AKAP12: variants seen among roughly 807,000 people sequenced by gnomAD.
AKAP12 encodes A-kinase anchor protein 12.
In AKAP12, 32 loss-of-function variants were observed where a neutral mutation model predicts 79.9. The ratio of observed to expected loss-of-function variants is 0.40; its 90% CI spans 0.30 to 0.54. The LOEUF (loss-of-function observed/expected upper bound fraction) is 0.54. AKAP12 is among the 20% of genes least tolerant of loss of function. The pLI is 0.48. For missense variants in AKAP12, 2,074 were observed against 2,177.0 expected, an observed-to-expected ratio of 0.95 and a Z score of 0.94; for synonymous variants, 808 against 857.0, an observed-to-expected ratio of 0.94 and a Z score of 1.00.
chr6:151,241,490 C>A (rs1582826044), intron 2 of AKAP12, among the ~76,000 whole-genome samples: 1 of 152,198 alleles, frequency 6.6e-6, no homozygotes, highest in African/African-American at 2.4e-5. Context: ...GTCAGTGTAA[C>A]GAGCATTCCG....
chr6:151,280,562 G>A (rs535421963), intron 2 of AKAP12: 1 of 151,998 alleles, frequency 6.6e-6, no homozygotes, highest in East Asian at 1.9e-4. Flanking sequence ...TTGAGTAGGG[G>A]CCATGTATCG....
Position 151,257,970 on chromosome 6 carries a change from A to T in AKAP12, c.162+17246A>T, listed in dbSNP as rs778667106. Among the ~76,000 whole-genome samples, 8 of 152,282 alleles carry T rather than the reference A, an allele frequency of 5.3e-5. 1 individual carries two copies. The Middle Eastern group carries it at 0.027, about 518-fold the overall frequency. ...ATAATTTGCATTAGATTTAGTTTTT[A>T]TTTTTTGGTCTCCAGTAACAACTGT... is the stretch of plus-strand genomic sequence containing the variant. On this transcript the variant is annotated intron_variant, in intron 2 of 4. Coordinates refer to ENST00000402676, the MANE Select transcript of AKAP12 (RefSeq NM_005100.4).
At chr6:151,298,995 T>C (rs1776798347) in intron 2 of AKAP12, 1 of 152,134 alleles carries the variant, frequency 6.6e-6, no homozygotes, top group South Asian at 2.1e-4. Flanking sequence ...AGGTAAGAAA[T>C]GTGCTCAAGG....
intron 2 of AKAP12, among the ~76,000 whole-genome samples, chr6:151,245,569 C>A (rs1450911748): frequency 2.8e-5 from 4 of 142,660 alleles, no homozygotes; most frequent in African/African-American, 1.0e-4. Context: ...GGCGTGAACC[C>A]GGGAGGTGGA....
chr6:151,241,071 C>A (rs554309297), intron 2 of AKAP12, among the ~76,000 whole-genome samples: 1 of 152,174 alleles, frequency 6.6e-6, no homozygotes, highest in Admixed American at 6.5e-5. Context: ...GGAGGAGCTG[C>A]GCGGAGGGGG....
intron 2 of AKAP12, among the ~76,000 whole-genome samples, chr6:151,262,177 T>A (rs1042220914): frequency 6.6e-6 from 1 of 151,922 alleles, no homozygotes; most frequent in Non-Finnish European, 1.5e-5. Flanking sequence ...TCTCAGGTGA[T>A]CCACCCGCCT....
chr6:151,291,625 T>G (rs1011274155), intron 2 of AKAP12, among the ~76,000 whole-genome samples: 1 of 152,218 alleles, frequency 6.6e-6, no homozygotes, highest in African/African-American at 2.4e-5. Context: ...CGCAGGGAGC[T>G]AAGCACACAC....
At chr6:151,292,823 G>C (rs548610287) in intron 2 of AKAP12, among the ~76,000 whole-genome samples, 1 of 152,328 alleles carries the variant, frequency 6.6e-6, no homozygotes, top group African/African-American at 2.4e-5. Flanking sequence ...CTCAGGATGG[G>C]AGAAGAGCTT....
rs565092823 is a variant in AKAP12 at position 151,345,801 on chromosome 6, A to G, written c.320-2910A>G. Among the ~76,000 whole-genome samples the G allele has an allele frequency of 2.7e-3, 410 of 151,482 alleles. 1 individual carries two copies. Among genetic ancestry groups the G allele is most frequent in the Non-Finnish European group, 4.7e-3 (320 of 67,866 alleles). On this transcript the variant is annotated intron_variant, in intron 3 of 4. Coordinates refer to ENST00000402676, the MANE Select transcript of AKAP12 (RefSeq NM_005100.4). ...AGTGAGACTCTGTCTTAAAAAAAAA[A>G]AAAAGAAAAGAAAAAAGAAAATTCA...
intron 2 of AKAP12, among the ~76,000 whole-genome samples, chr6:151,298,485 C>A (rs1187177523): frequency 6.6e-6 from 1 of 152,110 alleles, no homozygotes; most frequent in Non-Finnish European, 1.5e-5. Flanking sequence ...TTCCAATATT[C>A]TTTGAGGTAT....
intron 2 of AKAP12, among the ~76,000 whole-genome samples, chr6:151,247,806 A>C (rs991775914): frequency 6.6e-6 from 1 of 152,176 alleles, no homozygotes; most frequent in East Asian, 1.9e-4. Flanking sequence ...GATGGTATAC[A>C]TGGATTTTCT....
chr6:151,317,398 T>G (rs1777260708), intron 3 of AKAP12, among the ~76,000 whole-genome samples: 1 of 152,208 alleles, frequency 6.6e-6, no homozygotes, highest in African/African-American at 2.4e-5. Flanking sequence ...TATCATGTCT[T>G]TCCTTTAATC....
At chr6:151,305,108 T>C (rs1484632536) in intron 2 of AKAP12, among the ~76,000 whole-genome samples, 1 of 151,888 alleles carries the variant, frequency 6.6e-6, no homozygotes, top group African/African-American at 2.4e-5. Flanking sequence ...GGAAATGAGA[T>C]CTCAGCTTTA....
At chr6:151,241,826 CAAAAA>C (rs59482970) in intron 2 of AKAP12, among the ~76,000 whole-genome samples, 2 of 123,892 alleles carry the variant, frequency 1.6e-5, no homozygotes. Context: ...TTACAATATG[CAAAAA>C]AAAAAAAAAA....
chr6:151,275,416 A>T (rs1006148091), intron 2 of AKAP12, among the ~76,000 whole-genome samples: 1 of 152,094 alleles, frequency 6.6e-6, no homozygotes, highest in Non-Finnish European at 1.5e-5. Flanking sequence ...TACATTTTCC[A>T]TCTAGAAAAG....
At chr6:151,243,735 G>C (rs988073152) in intron 2 of AKAP12, among the ~76,000 whole-genome samples, 4 of 152,132 alleles carry the variant, frequency 2.6e-5, no homozygotes, top group Non-Finnish European at 5.9e-5. Context: ...ATCTGCCAGG[G>C]TTTAATTTTG....
chr6:151,327,095 G>T (rs1305210455), intron 3 of AKAP12, among the ~76,000 whole-genome samples: 1 of 150,352 alleles, frequency 6.7e-6, no homozygotes, highest in Non-Finnish European at 1.5e-5. Context: ...GATTATAGAC[G>T]TGAGCCACCG....
intron 2 of AKAP12, among the ~76,000 whole-genome samples, chr6:151,245,719 G>GTC (rs140524906): frequency 2.7e-5 from 4 of 149,084 alleles, no homozygotes; most frequent in Non-Finnish European, 5.9e-5. Flanking sequence ...TTTATTTAAA[G>GTC]TCATTGCATA....
In AKAP12 at chr6:151,240,644, A is replaced by G. The variant is rs1202391735; in HGVS notation, c.82A>G (p.Ser28Gly). 1 of 1,341,012 alleles carries G rather than the reference A, an allele frequency of 7.5e-7. No homozygotes were observed. The highest frequency in any genetic ancestry group is 3.1e-5 in the East Asian group (1 of 31,960). The allele number at this position is 1,341,012 out of a possible 1,614,324, so 83.1% of individuals were successfully genotyped here. A position where few individuals can be genotyped will look rare whatever the true frequency, so the allele number is the denominator to read the frequency against. The change falls in exon 2 of 5, where the codon AGC becomes GGC. Residue 28 changes from serine (S) to glycine (G), a missense_variant. Around this residue, in one of 3 missense-constraint regions of AKAP12, gnomAD observed 1,428 missense variants for 1,451.0 expected, o/e 0.98. Transcript: ENST00000402676. ...CTCCACGCCGGCTGAGCCCGAGCCC[A>G]GCGGCGGCGGCCCCTCGGCCGAGGC... ...GSSTPAEPEP[S>G]GGGPSAEAAP...
Sources: allele counts gnomAD v4.1 joint callset (sites outside exome capture counted in the v4.1 genomes callset), GRCh38; gene constraint gnomAD v4.1.1; regional missense constraint gnomAD v4.1.1; transcripts MANE v1.5; gene names NCBI Gene and HGNC (gene_info 2026-07-23, HGNC 2026-07-21).